Variants in MEGF11 observed in about 807,000 individuals in gnomAD.
MEGF11 encodes the protein multiple EGF like domains 11.
Under a neutral mutation model 146.6 loss-of-function variants are expected in MEGF11, and 126 were observed. That is an observed-to-expected ratio of 0.86 (90% CI 0.74 to 1.00). MEGF11 has a LOEUF of 1.00. Among genes scored for constraint, MEGF11 ranks in the 50% least tolerant of loss-of-function variants. MEGF11 has a pLI of 0.00. For synonymous variants in MEGF11, 532 were observed against 583.4 expected, an observed-to-expected ratio of 0.91 and a Z score of 1.27; for missense variants, 1,509 against 1,521.2, an observed-to-expected ratio of 0.99 and a Z score of 0.13.
intron 4 of MEGF11, among the ~76,000 whole-genome samples, chr15:66,102,439 T>C (rs1298090710): frequency 6.8e-6 from 1 of 146,976 alleles, no homozygotes; most frequent in Non-Finnish European, 1.5e-5. Flanking sequence ...TTTTCTTTTT[T>C]TTTTTTTTTT....
chr15:66,027,703 A>G (rs2083384447), intron 5 of MEGF11, among the ~76,000 whole-genome samples: 2 of 152,006 alleles, frequency 1.3e-5, no homozygotes, highest in Admixed American at 6.6e-5. Context: ...GCAAGAATCT[A>G]CCTTTTCTTT....
chr15:66,227,607 C>T (rs2091881185), intron 1 of MEGF11, among the ~76,000 whole-genome samples: 2 of 152,152 alleles, frequency 1.3e-5, no homozygotes, highest in South Asian at 4.1e-4. Context: ...TGGGGCAGGA[C>T]CCCCATTGAG....
At chr15:65,905,807 T>G (rs1344663132) in intron 24 of MEGF11, 7 of 339,122 alleles carry the variant, frequency 2.1e-5, no homozygotes, top group Non-Finnish European at 3.7e-5. Flanking sequence ...ATAATGACGC[T>G]TTACATTTCC....
chr15:66,001,844 C>A (rs1369944402), intron 5 of MEGF11, among the ~76,000 whole-genome samples: 2 of 152,102 alleles, frequency 1.3e-5, no homozygotes, highest in Non-Finnish European at 2.9e-5. Flanking sequence ...TAAAACATTT[C>A]ACTTTCAAAG....
intron 1 of MEGF11, among the ~76,000 whole-genome samples, chr15:66,173,346 G>A (rs759349328): frequency 3.9e-5 from 6 of 152,014 alleles, no homozygotes; most frequent in East Asian, 1.9e-4. Context: ...ATGGAGTCTC[G>A]CTCTTGTGGC....
intron 2 of MEGF11, among the ~76,000 whole-genome samples, chr15:66,124,291 G>A (rs1345569312): frequency 6.6e-6 from 1 of 152,216 alleles, no homozygotes; most frequent in Admixed American, 6.5e-5. Context: ...GAAGCGGGGG[G>A]TAGTTTTATT....
chr15:66,188,734 A>T (rs57866428), intron 1 of MEGF11, among the ~76,000 whole-genome samples: 3,006 of 152,330 alleles, frequency 0.02, 102 homozygotes, highest in African/African-American at 0.069. Flanking sequence ...CAGTGAGCCT[A>T]GACAGCCATC....
intron 1 of MEGF11, among the ~76,000 whole-genome samples, chr15:66,148,709 C>T (rs1359798664): frequency 2.0e-5 from 3 of 152,206 alleles, no homozygotes; most frequent in Non-Finnish European, 4.4e-5. Flanking sequence ...TCTGTCCTGG[C>T]CCAGCTGTTG....
At chr15:65,905,466 A>G (rs114395532) in intron 24 of MEGF11, 10,384 of 152,242 alleles carry the variant, frequency 0.068, 374 homozygotes, top group Middle Eastern at 0.099. Flanking sequence ...AAAGCCCCCT[A>G]TTTCACACAT....
In MEGF11 at chr15:65,982,094, A is replaced by C; in HGVS notation, c.641+148T>G. 3.2e-6 allele frequency: 3 copies of C among 932,932 alleles called. No homozygotes were observed. Among genetic ancestry groups the C allele is most frequent in the Non-Finnish European group, 4.6e-6 (3 of 659,012 alleles). 57.8% of individuals were successfully genotyped at this position (932,932 alleles called of 1,614,324 possible). A position where few individuals can be genotyped will look rare whatever the true frequency, so the allele number is the denominator to read the frequency against. On this transcript the variant is annotated intron_variant, in intron 6 of 25. Transcript: ENST00000395614. The surrounding 1 kb of genome is among the most constrained non-coding windows in gnomAD (Gnocchi z 5.6). ...CCCACCACCCAGCCCACCCACAAGG[A>C]GCCCAGGGCTGGGCGTGCAGCTGCG...
intron 5 of MEGF11, among the ~76,000 whole-genome samples, chr15:66,082,469 C>CTATCTATCTA (rs1172408141): frequency 2.6e-5 from 1 of 38,464 alleles, no homozygotes; most frequent in African/African-American, 1.6e-4. Context: ...AAAAAAAAAT[C>CTATCTATCTA]TATCTATCTA....
At chr15:65,917,031 T>A in intron 16 of MEGF11, 75 bp from the exon 17 acceptor site, 32 of 1,184,008 alleles carry the variant, frequency 2.7e-5, no homozygotes, top group Non-Finnish European at 3.4e-5. Flanking sequence ...GAAGGGGGAG[T>A]ACATGTCAGA....
At chr15:65,912,025 G>A in intron 21 of MEGF11, 57 bp downstream of exon 21, 1 of 1,014,396 alleles carries the variant, frequency 9.9e-7, no homozygotes, top group Non-Finnish European at 1.3e-6. Flanking sequence ...CCTGGGCAGA[G>A]GTGAGGGTTA....
intron 10 of MEGF11, among the ~76,000 whole-genome samples, chr15:65,940,488 G>C (rs1416774945): frequency 6.6e-6 from 1 of 152,220 alleles, no homozygotes; most frequent in Non-Finnish European, 1.5e-5. Context: ...GTGACACGTG[G>C]CCCACAAGGC....
chr15:66,244,614 A>G (rs1240260842), intron 1 of MEGF11, among the ~76,000 whole-genome samples: 3 of 152,180 alleles, frequency 2.0e-5, no homozygotes, highest in Non-Finnish European at 4.4e-5. Flanking sequence ...ACTCTCCCAG[A>G]GCCACGCTTT....
At chr15:66,098,405 T>C (rs2086642718) in intron 4 of MEGF11, among the ~76,000 whole-genome samples, 1 of 152,230 alleles carries the variant, frequency 6.6e-6, no homozygotes, top group African/African-American at 2.4e-5. Context: ...GAGGTGCCTG[T>C]GGTCATATAT....
chr15:65,966,537 C>T (rs551630391), intron 8 of MEGF11, among the ~76,000 whole-genome samples: 10 of 152,228 alleles, frequency 6.6e-5, no homozygotes, highest in African/African-American at 2.2e-4. Context: ...TCCCTGACTG[C>T]GGATTTTCCC....
At chr15:66,061,807 T>C (rs2084919292) in intron 5 of MEGF11, among the ~76,000 whole-genome samples, 1 of 152,088 alleles carries the variant, frequency 6.6e-6, no homozygotes, top group Non-Finnish European at 1.5e-5. Flanking sequence ...AGCTAATTTT[T>C]TAATTGTTTT....
intron 5 of MEGF11, among the ~76,000 whole-genome samples, chr15:65,992,395 G>A (rs2082070525): frequency 6.9e-6 from 1 of 145,366 alleles, no homozygotes; most frequent in Admixed American, 6.9e-5. Flanking sequence ...CTCAAGGGCT[G>A]CAGGAATCCC....
Sources: allele counts gnomAD v4.1 joint callset (sites outside exome capture counted in the v4.1 genomes callset), GRCh38; gene constraint gnomAD v4.1.1; non-coding constraint Gnocchi (gnomAD v3.1); transcripts MANE v1.5; gene names NCBI Gene and HGNC (gene_info 2026-07-23, HGNC 2026-07-21).